The following LMO3 variants were observed in gnomAD, a reference collection of about 807,000 sequenced individuals.
LMO3 encodes the protein LIM domain only 3, also known as LIM domain only protein 3.
In LMO3, 2 loss-of-function variants were observed where a neutral mutation model predicts 15.8. The observed-to-expected ratio is 0.13, with a 90% confidence interval of 0.05 to 0.40. LMO3 has a LOEUF of 0.40. Among genes scored for constraint, LMO3 ranks in the 10% least tolerant of loss-of-function variants. LMO3 has a pLI of 0.99. For missense variants in LMO3, 86 were observed against 182.2 expected (o/e 0.47, Z 3.04); for synonymous variants, 62 against 63.8 (o/e 0.97, Z 0.13).
Position 16,550,941 on chromosome 12 carries a change from C to T in LMO3, c.*281G>A, listed in dbSNP as rs968243108. 6 of 344,876 alleles carry T rather than the reference C, an allele frequency of 1.7e-5. No homozygotes were observed. Among genetic ancestry groups the T allele is most frequent in the Non-Finnish European group, 3.2e-5 (6 of 185,824 alleles). The allele number at this position is 344,876 out of a possible 1,614,324, so 21.4% of individuals were successfully genotyped here. On this transcript the variant is annotated 3_prime_UTR_variant, in exon 4 of 4. Coordinates refer to ENST00000537304, the MANE Select transcript of LMO3 (RefSeq NM_018640.5). ...ATTACAATACATTATATACAATAGT[C>T]CAAAATAAACATCTCATGCCAAGTG...
intron 3 of LMO3, among the ~76,000 whole-genome samples, chr12:16,553,629 C>G (rs563587464): frequency 6.6e-6 from 1 of 152,108 alleles, no homozygotes; most frequent in East Asian, 1.9e-4. Context: ...GTCACACTTG[C>G]ACATATGACT....
chr12:16,598,337 CA>C lies in LMO3; in HGVS notation c.206+2317del, dbSNP rs2137683613. ...GTTGCCAAATAAGTCACATTATATA[CA>C]ACAAACTTTCAGTTTAAATAAGGGA... On this transcript the variant is annotated intron_variant, in intron 2 of 3. Coordinates refer to ENST00000537304, the MANE Select transcript of LMO3 (RefSeq NM_018640.5). The surrounding 1 kb of genome is among the most constrained non-coding windows in gnomAD (Gnocchi z 4.3). 6.6e-6 allele frequency: 1 copy of C among 152,128 alleles called. No homozygotes were observed. Among genetic ancestry groups the C allele is most frequent in the African/African-American group, 2.4e-5 (1 of 41,530 alleles). The allele number at this position is 152,128 out of a possible 1,614,324, so 9.4% of individuals were successfully genotyped here. A position where few individuals can be genotyped will look rare whatever the true frequency, so the allele number is the denominator to read the frequency against.
rs1294908075 is a variant in LMO3 at position 16,591,755 on chromosome 12, G to T, written c.206+8900C>A. Among the ~76,000 whole-genome samples the T allele has an allele frequency of 6.6e-6, 1 of 152,052 alleles. No homozygotes were observed. Among genetic ancestry groups the T allele is most frequent in the Non-Finnish European group, 1.5e-5 (1 of 67,958 alleles). On this transcript the variant is annotated intron_variant, in intron 2 of 3. Transcript: ENST00000537304. The surrounding 1 kb of genome is among the most constrained non-coding windows in gnomAD (Gnocchi z 4.1). Reference sequence around the variant, plus strand: ...AAATAGCATGAAAGTTACAAGCTAAGTCTGTCTTGCTCTGCACCCAAAATA... The same window carrying T: ...AAATAGCATGAAAGTTACAAGCTAATTCTGTCTTGCTCTGCACCCAAAATA...
intron 2 of LMO3, among the ~76,000 whole-genome samples, chr12:16,571,118 A>G (rs529628838): frequency 1.3e-5 from 2 of 152,264 alleles, no homozygotes; most frequent in East Asian, 1.9e-4. Flanking sequence ...TGAAGAAACA[A>G]CCTAACTACT....
At chr12:16,573,261 G>A (rs902761220) in intron 2 of LMO3, among the ~76,000 whole-genome samples, 2 of 152,010 alleles carry the variant, frequency 1.3e-5, no homozygotes, top group African/African-American at 2.4e-5. Context: ...AATAAGGCAG[G>A]TCCAATTTAA....
At position 16,582,366 on chromosome 12, in the gene LMO3, A is replaced by C. The variant is rs1297295536; in HGVS notation, c.206+18289T>G. ...TATTATTCATTTTAGACAGTGACAG[A>C]CTATTTGCTAATATCTTTCAAGTTT... On this transcript the variant is annotated intron_variant, in intron 2 of 3. Coordinates refer to ENST00000537304, the MANE Select transcript of LMO3 (RefSeq NM_018640.5). The surrounding 1 kb of genome is among the most constrained non-coding windows in gnomAD (Gnocchi z 4.1). Among the ~76,000 whole-genome samples the C allele has an allele frequency of 6.6e-6, 1 of 152,228 alleles. No individual in the cohort carries two copies. Among genetic ancestry groups the C allele is most frequent in the Non-Finnish European group, 1.5e-5 (1 of 68,038 alleles).
At position 16,559,302 on chromosome 12, in the gene LMO3, T is replaced by C. The variant is rs138268631; in HGVS notation, c.332+1111A>G. 4.3e-3 allele frequency among the ~76,000 whole-genome samples: 657 copies of C among 152,308 alleles called. 9 individuals are homozygous for C. The highest frequency in any genetic ancestry group is 0.014 in the African/African-American group (601 of 41,574). ...TCATATAAAACAGGTGCCAGTAGTATATAGTTTTCACAGAAATAAAAAATA... is the reference window on the plus strand; with the variant it reads ...TCATATAAAACAGGTGCCAGTAGTACATAGTTTTCACAGAAATAAAAAATA... On this transcript the variant is annotated intron_variant, in intron 3 of 3. Coordinates refer to ENST00000537304, the MANE Select transcript of LMO3 (RefSeq NM_018640.5). This position sits in a 1 kb window ranked among gnomAD's most constrained non-coding sequence, Gnocchi z 4.1.
rs549356675 is a variant in LMO3, at chr12:16,601,214, T to A, written c.-8-346A>T. Reference sequence around the variant, plus strand: ...CCTTTAGAAAGAAAATGTGAGTAAATAACAATCTGAAAAGAAAGCTATTTA... The same window carrying A: ...CCTTTAGAAAGAAAATGTGAGTAAAAAACAATCTGAAAAGAAAGCTATTTA... On this transcript the variant is annotated intron_variant, in intron 1 of 3. Transcript: ENST00000537304. Among the ~76,000 whole-genome samples the A allele has an allele frequency of 2.6e-5, 4 of 152,268 alleles. No individual in the cohort carries two copies. In the South Asian group the frequency reaches 8.3e-4, roughly 32 times the overall value.
At chr12:16,551,912 G>A (rs1043411486) in intron 3 of LMO3, among the ~76,000 whole-genome samples, 1 of 151,946 alleles carries the variant, frequency 6.6e-6, no homozygotes, top group Admixed American at 6.6e-5. Flanking sequence ...CTGATGCTGA[G>A]CCATTTTCCT....
At position 16,551,149 on chromosome 12, in the gene LMO3, CT is replaced by C. The variant is rs2137242958; in HGVS notation, c.*72del. The C allele has an allele frequency of 1.0e-6, 1 of 977,742 alleles. No individual in the cohort carries two copies. Among genetic ancestry groups the C allele is most frequent in the African/African-American group, 1.6e-5 (1 of 62,400 alleles). 60.6% of individuals were successfully genotyped at this position (977,742 alleles called of 1,614,324 possible). A position where few individuals can be genotyped will look rare whatever the true frequency, so the allele number is the denominator to read the frequency against. ...TATTCAGTAGGTTCCTGTGTCAATT[CT>C]TATGTACATGTGGAGCAAAAAAGAT... On this transcript the variant is annotated 3_prime_UTR_variant, in exon 4 of 4. Coordinates refer to ENST00000537304, the MANE Select transcript of LMO3 (RefSeq NM_018640.5).
rs570334036 is a variant in LMO3 at position 16,601,085 on chromosome 12, A to G, written c.-8-217T>C. The stretch of plus-strand genomic sequence containing the variant: ...AAAAAGTTACACATGCCAAGTGACA[A>G]TAATAATAAATTCATGTTGACCATG... On this transcript the variant is annotated intron_variant, in intron 1 of 3. Coordinates refer to ENST00000537304, the MANE Select transcript of LMO3 (RefSeq NM_018640.5). Among the ~76,000 whole-genome samples the G allele has an allele frequency of 2.0e-5, 3 of 152,348 alleles. No individual in the cohort carries two copies. In the South Asian group the frequency reaches 6.2e-4, roughly 32 times the overall value.
chr12:16,568,203 C>CTAGCATTACAGAAGAATCAAGT (rs1474419542), intron 2 of LMO3, among the ~76,000 whole-genome samples: 1 of 152,044 alleles, frequency 6.6e-6, no homozygotes, highest in African/African-American at 2.4e-5. Context: ...TTGTAAGAAC[C>CTAGCATTACAGAAGAATCAAGT]TAGCATTACA....
intron 2 of LMO3, chr12:16,594,380 C>T: frequency 1.2e-6 from 1 of 832,206 alleles, no homozygotes; most frequent in Non-Finnish European, 1.7e-6. Flanking sequence ...AGAGACATGG[C>T]TAATACAAAT....
At chr12:16,605,438 C>CG in intron 1 of LMO3, 3 of 214,376 alleles carry the variant, frequency 1.4e-5, no homozygotes, top group Non-Finnish European at 1.5e-5. Flanking sequence ...ACCCGCCTGC[C>CG]CCCCCCCCCC....
rs899232800 is a variant in LMO3 at position 16,560,141 on chromosome 12, A to G, written c.332+272T>C. On this transcript the variant is annotated intron_variant, in intron 3 of 3. Transcript: ENST00000537304. The surrounding 1 kb of genome is among the most constrained non-coding windows in gnomAD (Gnocchi z 5.0). ...TTTAAAAAGACAGGAAAATAATAAA[A>G]GAAGGAATGAGTAAAAGAAGTCAGA... 6.6e-6 allele frequency among the ~76,000 whole-genome samples: 1 copy of G among 152,198 alleles called. No individual in the cohort carries two copies.
intron 2 of LMO3, among the ~76,000 whole-genome samples, chr12:16,564,604 C>G (rs1232104489): frequency 6.6e-6 from 1 of 152,040 alleles, no homozygotes; most frequent in Non-Finnish European, 1.5e-5. Context: ...ATTTTTTTAA[C>G]CAGGTCAGTG....
rs1385769271 is a variant in LMO3, at chr12:16,599,633, C to T, written c.206+1022G>A. ...GATAAATTGTATTAAATATGAAAAT[C>T]CCAATGATGCCATATATCATTTCTC... On this transcript the variant is annotated intron_variant, in intron 2 of 3. Coordinates refer to ENST00000537304, the MANE Select transcript of LMO3 (RefSeq NM_018640.5). This position sits in a 1 kb window ranked among gnomAD's most constrained non-coding sequence, Gnocchi z 4.1. 1 of 152,100 alleles carries T rather than the reference C, an allele frequency of 6.6e-6. No homozygotes were observed. The highest frequency in any genetic ancestry group is 1.5e-5 in the Non-Finnish European group (1 of 68,022). The allele number at this position is 152,100 out of a possible 1,614,324, so 9.4% of individuals were successfully genotyped here.
At chr12:16,601,381 G>A (rs894346479) in intron 1 of LMO3, among the ~76,000 whole-genome samples, 3 of 152,152 alleles carry the variant, frequency 2.0e-5, no homozygotes, top group Admixed American at 6.5e-5. Flanking sequence ...AGCAGTAGAG[G>A]TGTTTATAGT....
chr12:16,590,182 T>G (rs1268020426), intron 2 of LMO3, among the ~76,000 whole-genome samples: 1 of 152,052 alleles, frequency 6.6e-6, no homozygotes, highest in Non-Finnish European at 1.5e-5. Context: ...AAATAGAAAT[T>G]AATATTTAAC....
Sources: allele counts gnomAD v4.1 joint callset (sites outside exome capture counted in the v4.1 genomes callset), GRCh38; gene constraint gnomAD v4.1.1; non-coding constraint Gnocchi (gnomAD v3.1); transcripts MANE v1.5; gene names NCBI Gene and HGNC (gene_info 2026-07-23, HGNC 2026-07-21).